SLC24A2: variants seen among roughly 807,000 people sequenced by gnomAD.
SLC24A2 encodes the protein solute carrier family 24 member 2, also known as sodium/potassium/calcium exchanger 2.
In SLC24A2, 36 loss-of-function variants were observed where a neutral mutation model predicts 62.0. The observed-to-expected ratio is 0.58, with a 90% CI of 0.44 to 0.77. The LOEUF is 0.77. Among genes scored for constraint, SLC24A2 ranks in the 30% least tolerant of loss-of-function variants. SLC24A2 has a pLI of 0.00. For synonymous variants in SLC24A2, 358 were observed against 294.0 expected (o/e 1.22, Z -2.23); for missense variants, 846 against 817.9 (o/e 1.03, Z -0.42).
chr9:19,934,781 G>A, the SLC24A2 span, among the ~76,000 whole-genome samples: 1 of 152,198 alleles, frequency 6.6e-6, no homozygotes, highest in Non-Finnish European at 1.5e-5. This position sits in a 1 kb window ranked among gnomAD's most constrained non-coding sequence, Gnocchi z 4.1. Context: ...CCTCTACAGA[G>A]TAACGAACCG....
chr9:20,188,443 G>C, the SLC24A2 span, among the ~76,000 whole-genome samples: 15,532 of 152,238 alleles, frequency 0.1, 1,051 homozygotes, highest in Non-Finnish European at 0.15. Context: ...GAGCAAATGA[G>C]AGCAAGAGTA....
At chr9:20,070,901 C>T in the SLC24A2 span, among the ~76,000 whole-genome samples, 1 of 152,288 alleles carries the variant, frequency 6.6e-6, no homozygotes, top group Admixed American at 6.5e-5. Flanking sequence ...TCATGTCAAA[C>T]TGTAATCCCC....
the SLC24A2 span, among the ~76,000 whole-genome samples, chr9:20,206,253 C>T: frequency 6.6e-6 from 1 of 152,170 alleles, no homozygotes; most frequent in Non-Finnish European, 1.5e-5. Flanking sequence ...ATTTTAACTA[C>T]ATAACTGTGT....
chr9:19,607,776 T>C (rs2132927547), intron 4 of SLC24A2, among the ~76,000 whole-genome samples: 1 of 151,544 alleles, frequency 6.6e-6, no homozygotes, highest in African/African-American at 2.4e-5. Context: ...TGGCCTTTGC[T>C]TCAAAGCCAA....
At chr9:19,551,387 G>C in intron 7 of SLC24A2, among the ~76,000 whole-genome samples, 1 of 152,310 alleles carries the variant, frequency 6.6e-6, no homozygotes, top group Admixed American at 6.5e-5. Context: ...TCTGAAGTCA[G>C]GGCTAGAAGA....
chr9:20,080,883 A>G, the SLC24A2 span, among the ~76,000 whole-genome samples: 2 of 152,178 alleles, frequency 1.3e-5, no homozygotes, highest in Non-Finnish European at 2.9e-5. Flanking sequence ...AAAAATGCTC[A>G]CCATCACTGG....
At chr9:19,788,784 T>C in intron 1 of SLC24A2, 101 bp downstream of exon 1, 5 of 985,390 alleles carry the variant, frequency 5.1e-6, no homozygotes, top group Non-Finnish European at 6.0e-6. Flanking sequence ...CAGAGCCACC[T>C]GTGAGCCTGC....
chr9:19,696,272 A>C (rs1168653737), intron 2 of SLC24A2, among the ~76,000 whole-genome samples: 2 of 152,176 alleles, frequency 1.3e-5, no homozygotes, highest in Non-Finnish European at 2.9e-5. Flanking sequence ...TCTTCCACGA[A>C]ACTGGTCCCT....
the SLC24A2 span, among the ~76,000 whole-genome samples, chr9:19,887,076 A>G: frequency 2.0e-5 from 3 of 152,180 alleles, no homozygotes; most frequent in African/African-American, 7.2e-5. Flanking sequence ...GGAGAGAATC[A>G]GGAAAAATAG....
At chr9:19,609,981 G>C (rs1471936806) in intron 4 of SLC24A2, among the ~76,000 whole-genome samples, 1 of 152,218 alleles carries the variant, frequency 6.6e-6, no homozygotes, top group Non-Finnish European at 1.5e-5. Flanking sequence ...CCCACTGGCT[G>C]CTCACCTCCT....
chr9:19,714,077 T>C (rs182552620), intron 2 of SLC24A2, among the ~76,000 whole-genome samples: 1 of 152,348 alleles, frequency 6.6e-6, no homozygotes, highest in East Asian at 1.9e-4. Flanking sequence ...AACTAGAATT[T>C]TTAAAAGTTA....
At chr9:19,636,347 CTTT>C (rs1818343708) in intron 2 of SLC24A2, among the ~76,000 whole-genome samples, 1 of 31,182 alleles carries the variant, frequency 3.2e-5, no homozygotes, top group African/African-American at 1.5e-4. Flanking sequence ...TTCTTTCTTT[CTTT>C]CTTTCTTTCT....
At chr9:20,071,931 T>C in the SLC24A2 span, among the ~76,000 whole-genome samples, 1 of 152,064 alleles carries the variant, frequency 6.6e-6, no homozygotes, top group Non-Finnish European at 1.5e-5. Context: ...TCATGAAGGA[T>C]ATTTAAAAGC....
At chr9:20,056,183 C>A in the SLC24A2 span, among the ~76,000 whole-genome samples, 1 of 152,098 alleles carries the variant, frequency 6.6e-6, no homozygotes, top group Non-Finnish European at 1.5e-5. Flanking sequence ...CTGATAGTAT[C>A]CATTTTTCCC....
the SLC24A2 span, among the ~76,000 whole-genome samples, chr9:19,898,521 T>C: frequency 6.6e-6 from 1 of 152,008 alleles, no homozygotes; most frequent in Admixed American, 6.6e-5. Flanking sequence ...GGCGGGTGGA[T>C]CACGAGGTCA....
the SLC24A2 span, among the ~76,000 whole-genome samples, chr9:19,975,821 G>A: frequency 6.6e-6 from 1 of 151,706 alleles, no homozygotes; most frequent in African/African-American, 2.4e-5. Context: ...ATATCTGTGG[G>A]CCTGCATCCT....
chr9:20,140,128 C>A, the SLC24A2 span, among the ~76,000 whole-genome samples: 1 of 152,256 alleles, frequency 6.6e-6, no homozygotes, highest in Admixed American at 6.5e-5. Flanking sequence ...TGAGATGCGG[C>A]GAGAGAGTTG....
At chr9:19,950,044 G>T in the SLC24A2 span, among the ~76,000 whole-genome samples, 1 of 152,172 alleles carries the variant, frequency 6.6e-6, no homozygotes, top group African/African-American at 2.4e-5. Context: ...ATGCACATTG[G>T]AAGTTGACGA....
rs568115291 is a variant in SLC24A2, at chr9:19,629,100, C to T, written c.931-6801G>A. ...ATAATAGGTATTATAAACATATACT[C>T]CCCCTTTCAACACATGAGGACCCTG... On this transcript the variant is annotated intron_variant, in intron 2 of 10. Transcript: ENST00000341998. Among the ~76,000 whole-genome samples the T allele has an allele frequency of 2.0e-5, 3 of 152,176 alleles. No individual in the cohort carries two copies. In the South Asian group the frequency reaches 6.2e-4, roughly 32 times the overall value.
Sources: allele counts gnomAD v4.1 joint callset (sites outside exome capture counted in the v4.1 genomes callset), GRCh38; gene constraint gnomAD v4.1.1; non-coding constraint Gnocchi (gnomAD v3.1); transcripts MANE v1.5; gene names NCBI Gene and HGNC (gene_info 2026-07-23, HGNC 2026-07-21).